The following MCU variants were observed in gnomAD, a reference collection of about 807,000 sequenced individuals.
The protein encoded by MCU is calcium uniporter protein, mitochondrial.
In MCU, 12 loss-of-function variants were observed where a neutral mutation model predicts 45.2. The observed-to-expected ratio is 0.27, with a 90% CI of 0.17 to 0.43. The LOEUF is 0.43. Ranked by LOEUF, MCU falls within the 20% of genes least tolerant of loss-of-function variation. The pLI is 1.00. For missense variants in MCU, 324 were observed against 436.7 expected, an observed-to-expected ratio of 0.74 and a Z score of 2.30; for synonymous variants, 160 against 165.1, an observed-to-expected ratio of 0.97 and a Z score of 0.24.
chr10:72,766,291 TAGATTTTCTTGAATCTC>T (rs1448856885), intron 1 of MCU, among the ~76,000 whole-genome samples: 2 of 152,358 alleles, frequency 1.3e-5, no homozygotes, highest in East Asian at 3.9e-4. Flanking sequence ...ATGACAAGAC[TAGATTTTCTTGAATCTC>T]AGATTAAACC....
intron 2 of MCU, 147 bp from the exon 3 acceptor site, chr10:72,859,030 C>G: frequency 1.5e-6 from 1 of 669,632 alleles, no homozygotes; most frequent in Non-Finnish European, 2.4e-6. Context: ...TAACCTTCAA[C>G]TAAAGCTAAA....
chr10:72,855,543 C>CT (rs1235626435), intron 2 of MCU, among the ~76,000 whole-genome samples: 1 of 152,078 alleles, frequency 6.6e-6, no homozygotes, highest in Admixed American at 6.6e-5. Flanking sequence ...GATCACACCA[C>CT]TGTACTCCAG....
intron 1 of MCU, among the ~76,000 whole-genome samples, chr10:72,808,334 G>A (rs896956149): frequency 6.6e-6 from 1 of 152,170 alleles, no homozygotes. Flanking sequence ...ACAGTCATAG[G>A]CATCTGAAAC....
At chr10:72,860,313 A>C in intron 3 of MCU, 110 bp from the exon 4 acceptor site, 4 of 895,422 alleles carry the variant, frequency 4.5e-6, no homozygotes, top group Non-Finnish European at 3.4e-6. Context: ...AGTTAACTGA[A>C]ATTTTAAAAG....
intron 1 of MCU, among the ~76,000 whole-genome samples, chr10:72,822,512 A>G (rs1844728537): frequency 6.6e-6 from 1 of 152,172 alleles, no homozygotes; most frequent in Non-Finnish European, 1.5e-5. Context: ...TAAAAAGACA[A>G]CCCAGTGTAA....
chr10:72,750,604 A>C lies in MCU; in HGVS notation c.150+58303A>C, dbSNP rs899722472. On this transcript the variant is annotated intron_variant, in intron 1 of 7. Transcript: ENST00000373053. ...TAGGTATGTGACGACACAGATATGC[A>C]TCATTTGGAGGAGATACTGATTTTT... is the stretch of plus-strand genomic sequence containing the variant. Among the ~76,000 whole-genome samples, 4 of 152,332 alleles carry C rather than the reference A, an allele frequency of 2.6e-5. No homozygotes were observed. In the East Asian group the frequency reaches 7.7e-4, roughly 29 times the overall value.
chr10:72,797,800 G>A (rs1772820900), intron 1 of MCU, among the ~76,000 whole-genome samples: 1 of 152,128 alleles, frequency 6.6e-6, no homozygotes, highest in African/African-American at 2.4e-5. Flanking sequence ...CTCCCAAAGT[G>A]CTGGGATTAT....
intron 1 of MCU, among the ~76,000 whole-genome samples, chr10:72,832,934 A>ATATGTGTGTGTGTGTGTGTGTGTGTG (rs1844900190): frequency 1.4e-5 from 2 of 143,760 alleles, no homozygotes; most frequent in South Asian, 2.3e-4. Context: ...ACCAATAGCT[A>ATATGTGTGTGTGTGTGTGTGTGTGTG]TGTGTGTGTG....
intron 1 of MCU, among the ~76,000 whole-genome samples, chr10:72,732,655 T>A (rs1843192028): frequency 6.6e-6 from 1 of 152,220 alleles, no homozygotes; most frequent in South Asian, 2.1e-4. Flanking sequence ...TCTGGTATGC[T>A]CCTTAAGCAC....
chr10:72,879,114 A>C (rs969850970), intron 6 of MCU, among the ~76,000 whole-genome samples: 3 of 152,148 alleles, frequency 2.0e-5, no homozygotes, highest in Non-Finnish European at 4.4e-5. Flanking sequence ...GAATACAAAA[A>C]TTAGCTGGGC....
At chr10:72,826,557 A>C (rs1844801611) in intron 1 of MCU, among the ~76,000 whole-genome samples, 2 of 152,234 alleles carry the variant, frequency 1.3e-5, no homozygotes, top group African/African-American at 2.4e-5. Context: ...GTGTAAGGAA[A>C]TATGAATTCA....
chr10:72,760,712 C>CTTTTTTTTTTTTTTTTT (rs1381226351), intron 1 of MCU: 2 of 116,814 alleles, frequency 1.7e-5, no homozygotes, highest in African/African-American at 3.4e-5. Flanking sequence ...TTTTTTTTTT[C>CTTTTTTTTTTTTTTTTT]TTTCTTTTTT....
At chr10:72,796,697 T>TG (rs201594655) in intron 1 of MCU, among the ~76,000 whole-genome samples, 8,681 of 150,124 alleles carry the variant, frequency 0.058, 365 homozygotes, top group Non-Finnish European at 0.096. Context: ...GTTTTTGTTT[T>TG]TTTTTTTTTT....
At chr10:72,883,241 G>A (rs1845732747) in intron 6 of MCU, among the ~76,000 whole-genome samples, 2 of 152,188 alleles carry the variant, frequency 1.3e-5, no homozygotes, top group African/African-American at 2.4e-5. Flanking sequence ...GAGGAGACTT[G>A]ACTGTCACAA....
intron 2 of MCU, among the ~76,000 whole-genome samples, chr10:72,851,518 G>T (rs1845206264): frequency 6.6e-6 from 1 of 152,144 alleles, no homozygotes. Context: ...TGGGCAGGGG[G>T]CTAAGGGAAT....
At chr10:72,751,750 G>T (rs936526293) in intron 1 of MCU, among the ~76,000 whole-genome samples, 1 of 151,916 alleles carries the variant, frequency 6.6e-6, no homozygotes, top group Non-Finnish European at 1.5e-5. Flanking sequence ...TCATTCCTTT[G>T]AGACATTGTT....
chr10:72,755,725 C>A (rs1349977160), intron 1 of MCU, among the ~76,000 whole-genome samples: 2 of 152,152 alleles, frequency 1.3e-5, no homozygotes, highest in Non-Finnish European at 2.9e-5. Context: ...GATAAATGAT[C>A]ATCTAAATAT....
At chr10:72,781,411 G>C (rs1371692450) in intron 1 of MCU, among the ~76,000 whole-genome samples, 1 of 152,196 alleles carries the variant, frequency 6.6e-6, no homozygotes, top group African/African-American at 2.4e-5. Flanking sequence ...ATTTTTAAAT[G>C]AATCATTGTA....
At chr10:72,787,915 C>A (rs911217933) in intron 1 of MCU, among the ~76,000 whole-genome samples, 23 of 152,008 alleles carry the variant, frequency 1.5e-4, no homozygotes, top group Non-Finnish European at 2.5e-4. Flanking sequence ...TGGGGTTTCA[C>A]CATGTTGGTC....
Sources: gnomAD v4.1 joint callset for allele counts (sites outside exome capture counted in the v4.1 genomes callset) on GRCh38, gnomAD v4.1.1 for gene constraint, MANE v1.5 for transcripts, NCBI Gene and HGNC (gene_info 2026-07-23, HGNC 2026-07-21) for gene names.